The following SLC18B1 variants were observed in gnomAD, a reference collection of about 807,000 sequenced individuals.
The protein encoded by SLC18B1 is solute carrier family 18 member B1.
In SLC18B1, 62 loss-of-function variants were observed where a neutral mutation model predicts 53.9. The observed-to-expected ratio is 1.15, with a 90% confidence interval of 0.94 to 1.42. SLC18B1 has a LOEUF of 1.42. Among genes scored for constraint, SLC18B1 ranks in the 40% most tolerant of loss-of-function variants. The pLI is 0.00. For synonymous variants in SLC18B1, 217 were observed against 200.9 expected (o/e 1.08, Z -0.68); for missense variants, 598 against 547.3 (o/e 1.09, Z -0.93).
chr6:132,783,066 C>A (rs955266307), intron 6 of SLC18B1, among the ~76,000 whole-genome samples: 2 of 152,082 alleles, frequency 1.3e-5, no homozygotes, highest in African/African-American at 2.4e-5. Context: ...TTAGCCACTG[C>A]GCCTAGCGAA....
chr6:132,772,768 A>C (rs557607489), intron 10 of SLC18B1, among the ~76,000 whole-genome samples: 5 of 152,332 alleles, frequency 3.3e-5, no homozygotes, highest in African/African-American at 1.2e-4. Context: ...GCATAAACCA[A>C]GCCAGACATC....
intron 10 of SLC18B1, among the ~76,000 whole-genome samples, 180 bp downstream of exon 10, chr6:132,772,813 T>G (rs1225431812): frequency 1.3e-5 from 2 of 152,246 alleles, no homozygotes; most frequent in African/African-American, 4.8e-5. Context: ...AATGTACTAT[T>G]ATCATTTCTA....
At chr6:132,792,357 G>GGAGGGA (rs1562271694) in intron 2 of SLC18B1, among the ~76,000 whole-genome samples, 1 of 100,864 alleles carries the variant, frequency 9.9e-6, no homozygotes, top group South Asian at 3.4e-4. Context: ...GGAAGGAAGG[G>GGAGGGA]AAAGAAAGAA....
intron 8 of SLC18B1, among the ~76,000 whole-genome samples, chr6:132,775,733 G>A (rs918304322): frequency 1.3e-5 from 2 of 152,092 alleles, no homozygotes; most frequent in Non-Finnish European, 2.9e-5. Flanking sequence ...AAAGGCTATG[G>A]GATAACCAGT....
chr6:132,770,388 A>C, intron 13 of SLC18B1, 52 bp from the exon 14 acceptor site: 1 of 1,469,240 alleles, frequency 6.8e-7, no homozygotes, highest in South Asian at 1.1e-5. Context: ...TCTTAAAAAC[A>C]AACAAACAAA....
At chr6:132,784,829 C>T (rs540946135) in intron 5 of SLC18B1, among the ~76,000 whole-genome samples, 3 of 152,082 alleles carry the variant, frequency 2.0e-5, no homozygotes, top group East Asian at 1.9e-4. Flanking sequence ...TATTCATCAA[C>T]GATGTAAGTA....
chr6:132,794,652 A>T (rs894293678), intron 2 of SLC18B1, among the ~76,000 whole-genome samples: 1 of 151,958 alleles, frequency 6.6e-6, no homozygotes, highest in Non-Finnish European at 1.5e-5. Context: ...CTGTGACTAT[A>T]CCTAGAACAC....
chr6:132,797,470 G>C (rs1265838773), intron 1 of SLC18B1, among the ~76,000 whole-genome samples: 1 of 152,098 alleles, frequency 6.6e-6, no homozygotes, highest in Non-Finnish European at 1.5e-5. Flanking sequence ...GTGGTGGCGG[G>C]CCCCTGTATC....
Position 132,790,283 on chromosome 6 carries a change from T to C in SLC18B1, c.184-11A>G. ...TCCCTTCTTTTCAGCCTTTAAGTAA[T>C]AGAAACGGAAACAAAGTTTCAAAGA... On this transcript the variant is annotated splice_polypyrimidine_tract_variant and intron_variant, in intron 2 of 13. Coordinates refer to ENST00000275227, the MANE Select transcript of SLC18B1 (RefSeq NM_052831.3). 2 of 1,510,698 alleles carry C rather than the reference T, an allele frequency of 1.3e-6. 1 individual carries two copies. Among genetic ancestry groups the C allele is most frequent in the Non-Finnish European group, 1.8e-6 (2 of 1,127,588 alleles). The allele number at this position is 1,510,698 out of a possible 1,614,324, so 93.6% of individuals were successfully genotyped here. A position where few individuals can be genotyped will look rare whatever the true frequency, so the allele number is the denominator to read the frequency against.
chr6:132,794,849 G>GA (rs1177736151), intron 2 of SLC18B1, among the ~76,000 whole-genome samples: 11 of 151,930 alleles, frequency 7.2e-5, no homozygotes, highest in Non-Finnish European at 1.5e-4. Context: ...ACTAAAAATA[G>GA]AAAAAAATAG....
intron 2 of SLC18B1, among the ~76,000 whole-genome samples, chr6:132,794,459 C>G (rs1004888544): frequency 6.6e-6 from 1 of 152,018 alleles, no homozygotes; most frequent in African/African-American, 2.4e-5. Context: ...ACTGCTCTTT[C>G]TTGCTCAAAC....
chr6:132,793,645 C>A (rs1781602745), intron 2 of SLC18B1, among the ~76,000 whole-genome samples: 1 of 152,180 alleles, frequency 6.6e-6, no homozygotes, highest in African/African-American at 2.4e-5. Context: ...CCAGCTTTGC[C>A]TTTTCCTACA....
intron 7 of SLC18B1, among the ~76,000 whole-genome samples, chr6:132,777,324 G>A (rs535662857): frequency 3.0e-4 from 45 of 152,212 alleles, no homozygotes; most frequent in South Asian, 2.7e-3. Context: ...CAAATGGGTC[G>A]ATTATATTTA....
chr6:132,790,095 T>C, intron 3 of SLC18B1, 82 bp downstream of exon 3: 2 of 1,027,312 alleles, frequency 1.9e-6, no homozygotes, highest in African/African-American at 1.6e-5. Context: ...TCTGTATCAA[T>C]GCAAATTCTA....
At position 132,787,526 on chromosome 6, in the gene SLC18B1, TCACTAGAAAA is replaced by T. The variant is rs1338899852; in HGVS notation, c.399_408del (p.Cys133Ter). 6.2e-7 allele frequency: 1 copy of T among 1,610,538 alleles called. No individual in the cohort carries two copies. The highest frequency in any genetic ancestry group is 8.5e-7 in the Non-Finnish European group (1 of 1,178,650). On this transcript the variant is annotated frameshift_variant, in exon 5 of 14. Coordinates refer to ENST00000275227, the MANE Select transcript of SLC18B1 (RefSeq NM_052831.3). LOFTEE classifies it high-confidence loss of function. ...GCAAAGCTAACTGCATCCATTACTC[TCACTAGAAAA>T]CACATAGCAATAAATACTGGCCCAT...
At chr6:132,780,695 G>T (rs1215457528) in intron 6 of SLC18B1, among the ~76,000 whole-genome samples, 3 of 150,524 alleles carry the variant, frequency 2.0e-5, no homozygotes, top group Non-Finnish European at 2.9e-5. Context: ...CCGAGTAGCT[G>T]GGATTACAGG....
At chr6:132,787,619 G>A in intron 4 of SLC18B1, 38 bp from the exon 5 acceptor site, 3 of 1,456,982 alleles carry the variant, frequency 2.1e-6, no homozygotes, top group Non-Finnish European at 9.0e-7. Flanking sequence ...TGCCAAGCTG[G>A]TTTTCTTTTT....
chr6:132,773,202 ATG>A (rs2114660226), intron 9 of SLC18B1, 114 bp from the exon 10 acceptor site: 2 of 570,494 alleles, frequency 3.5e-6, no homozygotes, highest in African/African-American at 4.1e-5. Context: ...TTCACCGATT[ATG>A]TGCCTAGTCT....
At chr6:132,772,301 A>G in intron 10 of SLC18B1, 95 bp from the exon 11 acceptor site, 2 of 703,686 alleles carry the variant, frequency 2.8e-6, no homozygotes, top group Non-Finnish European at 4.5e-6. Context: ...AACCAAGGAT[A>G]ATCTGGAAAA....
Sources: gnomAD v4.1 joint callset for allele counts (sites outside exome capture counted in the v4.1 genomes callset) on GRCh38, gnomAD v4.1.1 for gene constraint, MANE v1.5 for transcripts, NCBI Gene and HGNC (gene_info 2026-07-23, HGNC 2026-07-21) for gene names.